The following C5orf63 variants were observed in gnomAD, a reference collection of about 807,000 sequenced individuals.
C5orf63 encodes chromosome 5 open reading frame 63.
C5orf63 carries 18 observed loss-of-function variants against 13.3 expected under a neutral mutation model. The observed-to-expected ratio is 1.36, with a 90% CI of 0.94 to 2.01. C5orf63 has a LOEUF of 2.01. Ranked by LOEUF, C5orf63 falls within the 30% of genes most tolerant of loss-of-function variation. The pLI is 0.00. For synonymous variants in C5orf63, 38 were observed against 44.7 expected, an observed-to-expected ratio of 0.85 and a Z score of 0.60; for missense variants, 118 against 127.7, an observed-to-expected ratio of 0.92 and a Z score of 0.36.
chr5:127,073,015 G>A (rs1405828931), intron 1 of C5orf63: 2 of 152,132 alleles, frequency 1.3e-5, no homozygotes, highest in Admixed American at 6.5e-5. Flanking sequence ...CCAATTAAAG[G>A]TCAACATGGC....
chr5:127,072,322 C>T (rs1456958318), intron 1 of C5orf63, among the ~76,000 whole-genome samples: 8 of 152,038 alleles, frequency 5.3e-5, no homozygotes, highest in Admixed American at 1.3e-4. Flanking sequence ...CTTTTTTCCC[C>T]GTGTTTTAAA....
At chr5:127,045,494 C>T (rs978082802) in exon 5 of C5orf63, 2 of 152,160 alleles carry the variant, frequency 1.3e-5, no homozygotes, top group African/African-American at 2.4e-5. Flanking sequence ...TATAGAGACA[C>T]CTGTGATTAC....
chr5:127,065,126 A>T (rs1028125334), intron 2 of C5orf63, among the ~76,000 whole-genome samples: 1 of 152,230 alleles, frequency 6.6e-6, no homozygotes, highest in Non-Finnish European at 1.5e-5. Context: ...CAGATTCAGG[A>T]GAAAGGTGTT....
At chr5:127,071,873 T>C (rs1006257156) in intron 1 of C5orf63, 188 bp from the exon 2 acceptor site, 3 of 152,150 alleles carry the variant, frequency 2.0e-5, no homozygotes, top group Admixed American at 2.0e-4. Flanking sequence ...TAATAAAAAA[T>C]AACCTATTTT....
chr5:127,052,680 A>G lies in C5orf63; in HGVS notation c.115-11T>C, dbSNP rs1167072978. 37 of 1,475,094 alleles carry G rather than the reference A, an allele frequency of 2.5e-5. No individual in the cohort carries two copies. The highest frequency in any genetic ancestry group is 3.3e-5 in the Non-Finnish European group (37 of 1,124,320). 91.4% of individuals were successfully genotyped at this position (1,475,094 alleles called of 1,614,324 possible). On this transcript the variant is annotated splice_polypyrimidine_tract_variant and intron_variant, in intron 3 of 4. Transcript: ENST00000296662. The stretch of plus-strand genomic sequence containing the variant: ...AAGGGGGCATGGGTCCTACAGGAAG[A>G]AAAAAAACCCAAGCGATTAAACCCA...
At chr5:127,059,346 T>C (rs1012531091) in intron 2 of C5orf63, among the ~76,000 whole-genome samples, 4 of 152,052 alleles carry the variant, frequency 2.6e-5, no homozygotes, top group East Asian at 1.9e-4. Context: ...CCCTAAAATA[T>C]GGAGGTTTCC....
At chr5:127,073,310 G>A (rs1353362658) in intron 1 of C5orf63, 141 bp downstream of exon 1, 1 of 152,106 alleles carries the variant, frequency 6.6e-6, no homozygotes, top group African/African-American at 2.4e-5. Context: ...TGGATTTATG[G>A]CTCCCGGTTT....
chr5:127,069,983 C>T (rs1251348467), intron 2 of C5orf63, among the ~76,000 whole-genome samples: 2 of 152,134 alleles, frequency 1.3e-5, no homozygotes, highest in Admixed American at 6.5e-5. Context: ...AACTAGAAGG[C>T]ATCTCCAAGT....
At chr5:127,066,090 G>T (rs1754318694) in intron 2 of C5orf63, among the ~76,000 whole-genome samples, 1 of 152,026 alleles carries the variant, frequency 6.6e-6, no homozygotes, top group South Asian at 2.1e-4. Flanking sequence ...AACAGTAAAT[G>T]CAAAAGCCTG....
chr5:127,068,165 G>A (rs577812672), intron 2 of C5orf63, among the ~76,000 whole-genome samples: 1 of 152,266 alleles, frequency 6.6e-6, no homozygotes, highest in East Asian at 1.9e-4. Context: ...CAAAGGAACT[G>A]TGCCTGGGGC....
chr5:127,071,976 ATCC>A (rs1754562015), intron 1 of C5orf63: 1 of 152,238 alleles, frequency 6.6e-6, no homozygotes, highest in Non-Finnish European at 1.5e-5. Context: ...AGTTGGAAAA[ATCC>A]TCATTTCTAT....
At chr5:127,069,021 C>T (rs1031253551) in intron 2 of C5orf63, among the ~76,000 whole-genome samples, 2 of 152,162 alleles carry the variant, frequency 1.3e-5, no homozygotes, top group Non-Finnish European at 2.9e-5. Context: ...GCAGCATATT[C>T]CAAATTCAGA....
At chr5:127,055,157 A>G (rs1246610759) in intron 3 of C5orf63, among the ~76,000 whole-genome samples, 1 of 152,152 alleles carries the variant, frequency 6.6e-6, no homozygotes, top group Non-Finnish European at 1.5e-5. Context: ...AGAAGAATCA[A>G]TATCATGAAA....
intron 2 of C5orf63, among the ~76,000 whole-genome samples, chr5:127,069,336 A>G (rs1422328325): frequency 1.3e-5 from 2 of 152,348 alleles, no homozygotes; most frequent in East Asian, 1.9e-4. Flanking sequence ...TGACCTAGAA[A>G]GAAGGCAATT....
At chr5:127,046,980 C>T (rs1330960105), downstream of C5orf63, 1 of 152,224 alleles carries the variant, frequency 6.6e-6, no homozygotes, top group Non-Finnish European at 1.5e-5. Context: ...TGAAGCCTGG[C>T]TGTATTGTGA....
At chr5:127,069,843 C>T (rs1056769717) in intron 2 of C5orf63, among the ~76,000 whole-genome samples, 37 of 151,876 alleles carry the variant, frequency 2.4e-4, no homozygotes, top group Non-Finnish European at 8.8e-5. Context: ...TTGGAGATTC[C>T]CCTTGCTTTA....
chr5:127,065,707 T>C (rs1355478152), intron 2 of C5orf63, among the ~76,000 whole-genome samples: 3 of 152,140 alleles, frequency 2.0e-5, no homozygotes, highest in African/African-American at 7.2e-5. Context: ...AGTGATGTGA[T>C]AAAATCAGTG....
chr5:127,065,255 AG>A (rs2126897647), intron 2 of C5orf63, among the ~76,000 whole-genome samples: 1 of 152,350 alleles, frequency 6.6e-6, no homozygotes, highest in East Asian at 1.9e-4. Context: ...AAAATGAATA[AG>A]GGTTGATCCC....
chr5:127,070,790 G>C (rs1160571333), intron 2 of C5orf63, among the ~76,000 whole-genome samples: 2 of 152,176 alleles, frequency 1.3e-5, no homozygotes, highest in Non-Finnish European at 2.9e-5. Context: ...AGAAAGTGTG[G>C]AGACAGGACT....
Sources: allele counts gnomAD v4.1 joint callset (sites outside exome capture counted in the v4.1 genomes callset), GRCh38; gene constraint gnomAD v4.1.1; transcripts MANE v1.5; gene names NCBI Gene and HGNC (gene_info 2026-07-23, HGNC 2026-07-21).